KIDINS220: variants seen among roughly 807,000 people sequenced by gnomAD.
KIDINS220 encodes kinase D interacting substrate 220.
In KIDINS220, 63 loss-of-function variants were observed where a neutral mutation model predicts 157.6. That is an observed-to-expected ratio of 0.40 (90% CI 0.33 to 0.49). KIDINS220 has a LOEUF of 0.49. Among genes scored for constraint, KIDINS220 ranks in the 20% least tolerant of loss-of-function variants. The pLI, the probability that KIDINS220 is intolerant of heterozygous loss-of-function variation, is 0.66. For synonymous variants in KIDINS220, 732 were observed against 783.6 expected, an observed-to-expected ratio of 0.93 and a Z score of 1.10; for missense variants, 1,772 against 2,171.2, an observed-to-expected ratio of 0.82 and a Z score of 3.65.
chr2:8,778,726 C>T lies in KIDINS220; in HGVS notation c.2616G>A (p.Gly872=), dbSNP rs1389090355. Residue 872 remains glycine (G), a splice_region_variant and synonymous_variant, in exon 20 of 30, where the codon GGG becomes GGA. Coordinates refer to ENST00000256707, the MANE Select transcript of KIDINS220 (RefSeq NM_020738.4). ...NGDVPCSDTT[G]IQEDADRRVS... ...CTCTTCTGTCAGCATCTTCCTGTAT[C>T]CCTTAAATAATTTATCAAGACAGCA... 6.2e-7 allele frequency: 1 copy of T among 1,613,356 alleles called. No individual in the cohort carries two copies. Among genetic ancestry groups the T allele is most frequent in the East Asian group, 2.2e-5 (1 of 44,888 alleles).
In KIDINS220 at chr2:8,803,038, T is replaced by C. The variant is rs1261309151; in HGVS notation, c.693A>G (p.Leu231=). ...EILKRNPNVN[L]TDKDGNTALM... ...AAGCTGTATTTCCATCTTTATCTGT[T>C]AAGTTTACATTTGGATTCCTCTTCA... The change falls in exon 8 of 30, where the codon TTA becomes TTG. Residue 231 remains leucine (L), a synonymous_variant. Coordinates refer to ENST00000256707, the MANE Select transcript of KIDINS220 (RefSeq NM_020738.4). 6.2e-7 allele frequency: 1 copy of C among 1,613,664 alleles called. No individual in the cohort carries two copies. Among genetic ancestry groups the C allele is most frequent in the East Asian group, 2.2e-5 (1 of 44,878 alleles).
intron 14 of KIDINS220, 26 bp downstream of exon 14, chr2:8,789,854 G>T: frequency 6.6e-7 from 1 of 1,514,794 alleles, no homozygotes; most frequent in South Asian, 1.3e-5. Flanking sequence ...CTCCATTTTT[G>T]AAAAAGATAA....
At chr2:8,723,717 C>T (rs1288392055), downstream of KIDINS220, 1 of 152,216 alleles carries the variant, frequency 6.6e-6, no homozygotes, top group African/African-American at 2.4e-5. Flanking sequence ...ATCCACATCT[C>T]AGACATTCTG....
intron 22 of KIDINS220, among the ~76,000 whole-genome samples, chr2:8,752,721 TAA>T (rs1400305199): frequency 4.6e-5 from 7 of 152,132 alleles, no homozygotes; most frequent in Non-Finnish European, 1.0e-4. Context: ...AAAAAAAAGC[TAA>T]GTTTTTCCTT....
At chr2:8,770,894 C>A in intron 21 of KIDINS220, 62 bp from the exon 22 acceptor site, 1 of 943,324 alleles carries the variant, frequency 1.1e-6, no homozygotes, top group Admixed American at 2.9e-5. Flanking sequence ...TTAAGTAAAA[C>A]ATTTAGTATA....
Position 8,736,956 on chromosome 2 carries a change from A to C in KIDINS220, c.3629T>G (p.Leu1210Arg). 1.2e-6 allele frequency: 2 copies of C among 1,614,090 alleles called. No individual in the cohort carries two copies. Among genetic ancestry groups the C allele is most frequent in the Non-Finnish European group, 1.7e-6 (2 of 1,179,934 alleles). Residue 1210 changes from leucine (L) to arginine (R), a missense_variant, in exon 27 of 30, where the codon CTG becomes CGG. Physicochemically the swap from Leu to Arg is moderately radical, Grantham distance 102. This residue lies in a region of KIDINS220 where 793 missense variants were observed against 885.5 expected (regional missense o/e 0.90). Coordinates refer to ENST00000256707, the MANE Select transcript of KIDINS220 (RefSeq NM_020738.4). Reference sequence around the variant, plus strand: ...CTTCTCACATACTGCATCCACATTCAGTGAATTCAGTAATACCACTGGGCC... The same window carrying C: ...CTTCTCACATACTGCATCCACATTCCGTGAATTCAGTAATACCACTGGGCC... ...APGPVVLLNS[L>R]NVDAVCEKLK...
intron 6 of KIDINS220, among the ~76,000 whole-genome samples, chr2:8,810,149 T>A (rs368804610): frequency 6.6e-6 from 1 of 152,184 alleles, no homozygotes; most frequent in African/African-American, 2.4e-5. Flanking sequence ...CTAGAGGAAG[T>A]CGCATTCTTT....
chr2:8,812,741 TAATA>T (rs1301679097), intron 5 of KIDINS220, among the ~76,000 whole-genome samples: 1 of 152,162 alleles, frequency 6.6e-6, no homozygotes, highest in African/African-American at 2.4e-5. Flanking sequence ...AACTAAGATA[TAATA>T]AATCTTAAGT....
rs7596507 is a variant in KIDINS220 at position 8,748,198 on chromosome 2, G to A, written c.3415-198C>T. 0.1 allele frequency among the ~76,000 whole-genome samples: 15,617 copies of A among 152,016 alleles called. 927 individuals are homozygous for A. Among genetic ancestry groups the A allele is most frequent in the Middle Eastern group, 0.21 (60 of 292 alleles). ...AAATATTACTTACATTTTTATATTG[G>A]TCATTTCATATAAGCTTTTTTCAGA... On this transcript the variant is annotated intron_variant, in intron 24 of 29. Transcript: ENST00000256707.
rs1023373062 is a variant in KIDINS220, at chr2:8,779,157, T to A, written c.2371-18A>T. 1 of 1,609,534 alleles carries A rather than the reference T, an allele frequency of 6.2e-7. No homozygotes were observed. The highest frequency in any genetic ancestry group is 8.5e-7 in the Non-Finnish European group (1 of 1,179,464). ...ACTCGGACCTGTGGCAGAAGAAATG[T>A]ACAGTTGTGACATACATTTTAAATT... is the stretch of plus-strand genomic sequence containing the variant. On this transcript the variant is annotated intron_variant, in intron 18 of 29. Transcript: ENST00000256707.
chr2:8,728,813 A>T (rs1026104298), downstream of KIDINS220: 2 of 981,256 alleles, frequency 2.0e-6, no homozygotes, highest in African/African-American at 3.5e-5. Context: ...ATGACTGTAC[A>T]TGAACCTGAA....
chr2:8,737,581 A>C (rs1665061394), intron 26 of KIDINS220, among the ~76,000 whole-genome samples: 1 of 152,256 alleles, frequency 6.6e-6, no homozygotes, highest in African/African-American at 2.4e-5. Context: ...ACAAAACAAC[A>C]GTATTAATTC....
rs573185918 is a variant in KIDINS220 at position 8,758,718 on chromosome 2, G to A, written c.3012-7074C>T. On this transcript the variant is annotated intron_variant, in intron 22 of 29. Coordinates refer to ENST00000256707, the MANE Select transcript of KIDINS220 (RefSeq NM_020738.4). Reference sequence around the variant, plus strand: ...TTTACAGCCATAAATTTCCCTCTGAGTACTGCCTTTGCTGCATCCCATAAG... The same window carrying A: ...TTTACAGCCATAAATTTCCCTCTGAATACTGCCTTTGCTGCATCCCATAAG... 2.6e-5 allele frequency among the ~76,000 whole-genome samples: 4 copies of A among 151,978 alleles called. No individual in the cohort carries two copies. The South Asian group carries it at 8.3e-4, about 32-fold the overall frequency.
chr2:8,770,610 T>TG, intron 22 of KIDINS220, 60 bp downstream of exon 22: 1 of 988,268 alleles, frequency 1.0e-6, no homozygotes, highest in South Asian at 1.9e-5. Flanking sequence ...ATACGCGTTT[T>TG]TTTTTTTTTT....
intron 12 of KIDINS220, 62 bp from the exon 13 acceptor site, chr2:8,791,286 TA>T: frequency 7.1e-7 from 1 of 1,401,086 alleles, no homozygotes; most frequent in Non-Finnish European, 9.9e-7. Context: ...AAATGAACAC[TA>T]TTTTCATTGT....
Position 8,803,008 on chromosome 2 carries a change from C to A in KIDINS220, c.723G>T (p.Met241Ile). The change falls in exon 8 of 30, where the codon ATG (methionine) becomes ATT (isoleucine). Residue 241 changes from methionine to isoleucine, a missense_variant. This residue lies in a region of KIDINS220 where 725 missense variants were observed against 1,017.1 expected (regional missense o/e 0.71). Coordinates refer to ENST00000256707, the MANE Select transcript of KIDINS220 (RefSeq NM_020738.4). ...LTDKDGNTAL[M>I]IASKEGHTEI... ...CCGTATGTCCCTCCTTTGATGCAAT[C>A]ATCAAAGCTGTATTTCCATCTTTAT... 4 of 1,613,856 alleles carry A rather than the reference C, an allele frequency of 2.5e-6. No homozygotes were observed. The highest frequency in any genetic ancestry group is 3.4e-6 in the Non-Finnish European group (4 of 1,179,964).
intron 24 of KIDINS220, among the ~76,000 whole-genome samples, chr2:8,748,276 A>G (rs1415379774): frequency 6.6e-6 from 1 of 152,212 alleles, no homozygotes; most frequent in African/African-American, 2.4e-5. Flanking sequence ...GTTTCTCTCT[A>G]TATTTAATAT....
At chr2:8,749,252 C>T (rs914887559) in intron 24 of KIDINS220, 3 of 274,468 alleles carry the variant, frequency 1.1e-5, no homozygotes, top group Non-Finnish European at 2.2e-5. Context: ...CTTCCCAGCT[C>T]ATATGAGATG....
At chr2:8,754,713 T>C (rs1667780264) in intron 22 of KIDINS220, among the ~76,000 whole-genome samples, 1 of 152,234 alleles carries the variant, frequency 6.6e-6, no homozygotes, top group South Asian at 2.1e-4. Context: ...TTGCATAAAC[T>C]ATTCATATCA....
Sources: allele counts gnomAD v4.1 joint callset (sites outside exome capture counted in the v4.1 genomes callset), GRCh38; gene constraint gnomAD v4.1.1; regional missense constraint gnomAD v4.1.1; transcripts MANE v1.5; gene names NCBI Gene and HGNC (gene_info 2026-07-23, HGNC 2026-07-21).